The following TNFSF4 variants were observed in gnomAD, a reference collection of about 807,000 sequenced individuals.
The protein encoded by TNFSF4 is TNF superfamily member 4, also known as tumor necrosis factor ligand superfamily member 4.
In TNFSF4, 4 loss-of-function variants were observed where a neutral mutation model predicts 7.3. The ratio of observed to expected loss-of-function variants is 0.55; its 90% confidence interval spans 0.27 to 1.25. The LOEUF (loss-of-function observed/expected upper bound fraction) is 1.25, where lower values mean the gene tolerates loss of function less well. Ranked by LOEUF, TNFSF4 falls within the 50% of genes most tolerant of loss-of-function variation. TNFSF4 has a pLI of 0.12. For synonymous variants in TNFSF4, 76 were observed against 83.7 expected (o/e 0.91, Z 0.50); for missense variants, 181 against 208.8 (o/e 0.87, Z 0.82).
the TNFSF4 span, among the ~76,000 whole-genome samples, chr1:173,301,121 T>G: frequency 6.6e-6 from 1 of 151,956 alleles, no homozygotes. Flanking sequence ...CAAGGTTGCT[T>G]TCCATTCTGA....
At chr1:173,191,880 CA>C (rs1649494676) in intron 1 of TNFSF4, among the ~76,000 whole-genome samples, 1 of 152,154 alleles carries the variant, frequency 6.6e-6, no homozygotes, top group Non-Finnish European at 1.5e-5. Flanking sequence ...ACGTGGTAAG[CA>C]TTTTAAAAAT....
the TNFSF4 span, among the ~76,000 whole-genome samples, chr1:173,229,669 T>C: frequency 6.6e-6 from 1 of 152,140 alleles, no homozygotes; most frequent in African/African-American, 2.4e-5. Context: ...CCCATCAGTG[T>C]GCTGTATTCA....
the TNFSF4 span, among the ~76,000 whole-genome samples, chr1:173,304,942 G>A: frequency 6.6e-6 from 1 of 151,972 alleles, no homozygotes; most frequent in Non-Finnish European, 1.5e-5. Context: ...TAAAGAATTG[G>A]TGGACATTTT....
chr1:173,214,897 G>A, the TNFSF4 span, among the ~76,000 whole-genome samples: 2 of 152,158 alleles, frequency 1.3e-5, no homozygotes, highest in Non-Finnish European at 2.9e-5. Flanking sequence ...ACAGCATTGG[G>A]AGTTAAACCA....
chr1:173,343,564 A>G, the TNFSF4 span, among the ~76,000 whole-genome samples: 1 of 152,126 alleles, frequency 6.6e-6, no homozygotes, highest in Non-Finnish European at 1.5e-5. Flanking sequence ...AACTCAACTG[A>G]TTGTTCAAGA....
chr1:173,298,119 C>G, the TNFSF4 span, among the ~76,000 whole-genome samples: 1 of 151,786 alleles, frequency 6.6e-6, no homozygotes, highest in Non-Finnish European at 1.5e-5. Flanking sequence ...AAAGCAACCA[C>G]GACCACAACA....
chr1:173,242,269 C>G, the TNFSF4 span, among the ~76,000 whole-genome samples: 1 of 152,132 alleles, frequency 6.6e-6, no homozygotes, highest in Non-Finnish European at 1.5e-5. Context: ...CAGAAGTATT[C>G]CTGCTTTTTA....
chr1:173,423,678 G>A, the TNFSF4 span, among the ~76,000 whole-genome samples: 3 of 152,138 alleles, frequency 2.0e-5, no homozygotes, highest in Admixed American at 6.5e-5. Flanking sequence ...ACATCCCACC[G>A]GTGATGGAGA....
the TNFSF4 span, chr1:173,352,138 A>G: frequency 4.1e-6 from 1 of 244,062 alleles, no homozygotes; most frequent in East Asian, 9.8e-5. Context: ...TCTCTGGTAA[A>G]CCAGAAAGAC....
At chr1:173,374,513 A>G in the TNFSF4 span, among the ~76,000 whole-genome samples, 1 of 152,212 alleles carries the variant, frequency 6.6e-6, no homozygotes, top group African/African-American at 2.4e-5. Context: ...AAGATCAGCC[A>G]GACCAGCCTC....
chr1:173,301,365 T>G, the TNFSF4 span, among the ~76,000 whole-genome samples: 1 of 150,946 alleles, frequency 6.6e-6, no homozygotes, highest in Admixed American at 6.6e-5. Flanking sequence ...TTTTTTACCA[T>G]AAATGTCATT....
chr1:173,392,836 G>A, the TNFSF4 span, among the ~76,000 whole-genome samples: 1 of 152,148 alleles, frequency 6.6e-6, no homozygotes, highest in Non-Finnish European at 1.5e-5. Context: ...ACAATTTCCA[G>A]CTACATATAT....
the TNFSF4 span, among the ~76,000 whole-genome samples, chr1:173,240,967 T>C: frequency 6.6e-6 from 1 of 152,236 alleles, no homozygotes; most frequent in Admixed American, 6.5e-5. Flanking sequence ...AGGATTTCTC[T>C]TTCTGCCAAT....
upstream of TNFSF4, among the ~76,000 whole-genome samples, chr1:173,211,048 G>A (rs1209165606): frequency 2.0e-5 from 3 of 152,290 alleles, no homozygotes; most frequent in African/African-American, 7.2e-5. Context: ...TATAAGCTAG[G>A]GACCTTGAGT....
the TNFSF4 span, among the ~76,000 whole-genome samples, chr1:173,220,027 T>C: frequency 1.3e-5 from 2 of 151,920 alleles, no homozygotes; most frequent in Non-Finnish European, 2.9e-5. Context: ...ACAAAACCTG[T>C]TCCCCAAAAA....
the TNFSF4 span, among the ~76,000 whole-genome samples, chr1:173,233,401 C>G: frequency 1.5e-4 from 23 of 152,210 alleles, 2 homozygotes; most frequent in Admixed American, 9.2e-4. Context: ...TTGGAAAACA[C>G]TCTTCAGGAT....
chr1:173,325,859 T>G, the TNFSF4 span, among the ~76,000 whole-genome samples: 2 of 152,070 alleles, frequency 1.3e-5, no homozygotes, highest in African/African-American at 2.4e-5. Flanking sequence ...GGCTCTGAAA[T>G]TGAGGCAATA....
At chr1:173,229,340 T>C in the TNFSF4 span, among the ~76,000 whole-genome samples, 2 of 152,118 alleles carry the variant, frequency 1.3e-5, no homozygotes, top group African/African-American at 4.8e-5. Context: ...CTAAGCTTCA[T>C]AAGTGAAGGA....
the TNFSF4 span, among the ~76,000 whole-genome samples, chr1:173,381,799 A>G: frequency 2.6e-5 from 4 of 152,156 alleles, no homozygotes; most frequent in African/African-American, 4.8e-5. Flanking sequence ...TGGGGACTTG[A>G]AGAACTTTTC....
Sources: gnomAD v4.1 joint callset for allele counts (sites outside exome capture counted in the v4.1 genomes callset) on GRCh38, gnomAD v4.1.1 for gene constraint, MANE v1.5 for transcripts, NCBI Gene and HGNC (gene_info 2026-07-23, HGNC 2026-07-21) for gene names.